Variants in PPP1R16B observed in about 807,000 individuals in gnomAD.
PPP1R16B encodes protein phosphatase 1 regulatory inhibitor subunit 16B.
In PPP1R16B, 14 loss-of-function variants were observed where a neutral mutation model predicts 61.7. The ratio of observed to expected loss-of-function variants is 0.23; its 90% CI spans 0.15 to 0.35. The LOEUF (loss-of-function observed/expected upper bound fraction) is 0.35. PPP1R16B is among the 10% of genes least tolerant of loss of function. PPP1R16B has a pLI of 1.00. For synonymous variants in PPP1R16B, 266 were observed against 305.3 expected (o/e 0.87, Z 1.34); for missense variants, 547 against 752.5 (o/e 0.73, Z 3.19).
chr20:38,891,001 G>A (rs1378673719), intron 3 of PPP1R16B, among the ~76,000 whole-genome samples: 2 of 152,162 alleles, frequency 1.3e-5, no homozygotes, highest in Non-Finnish European at 2.9e-5. Flanking sequence ...ATCTGCCATT[G>A]GAAACTCCCA....
chr20:38,854,197 C>T (rs1027131060), intron 2 of PPP1R16B, among the ~76,000 whole-genome samples: 7 of 152,180 alleles, frequency 4.6e-5, no homozygotes, highest in African/African-American at 1.7e-4. Context: ...CAAACACTGC[C>T]TCTCTCTGGG....
At chr20:38,897,003 G>A (rs541544512) in intron 4 of PPP1R16B, among the ~76,000 whole-genome samples, 60 of 152,256 alleles carry the variant, frequency 3.9e-4, no homozygotes, top group African/African-American at 1.3e-3. Context: ...AAAATTAGCC[G>A]GGCATGGTGG....
chr20:38,880,037 G>C (rs1258475906), intron 2 of PPP1R16B, among the ~76,000 whole-genome samples: 1 of 152,062 alleles, frequency 6.6e-6, no homozygotes, highest in African/African-American at 2.4e-5. Flanking sequence ...GGCTGGTTCT[G>C]AGGCTTGGGT....
intron 2 of PPP1R16B, among the ~76,000 whole-genome samples, chr20:38,865,059 G>C (rs1042632870): frequency 6.6e-6 from 1 of 152,166 alleles, no homozygotes; most frequent in African/African-American, 2.4e-5. Context: ...AGCCAGGCTG[G>C]AATTCAGAAT....
intron 4 of PPP1R16B, among the ~76,000 whole-genome samples, chr20:38,899,190 C>T (rs939336604): frequency 2.0e-5 from 3 of 152,130 alleles, no homozygotes; most frequent in Non-Finnish European, 2.9e-5. Flanking sequence ...CTGGGGTGTA[C>T]GAAAGCTCAG....
chr20:38,890,052 T>G (rs953587322), intron 3 of PPP1R16B, among the ~76,000 whole-genome samples: 1 of 152,220 alleles, frequency 6.6e-6, no homozygotes, highest in African/African-American at 2.4e-5. Flanking sequence ...GTGACCTGCC[T>G]GAGGTCACAT....
At chr20:38,854,227 A>C (rs1438046228) in intron 2 of PPP1R16B, among the ~76,000 whole-genome samples, 1 of 152,204 alleles carries the variant, frequency 6.6e-6, no homozygotes, top group African/African-American at 2.4e-5. Context: ...CTTTGGGTTG[A>C]GAATGCCTAG....
At chr20:38,873,125 GCC>G in intron 2 of PPP1R16B, 1 of 152,380 alleles carries the variant, frequency 6.6e-6, no homozygotes, top group South Asian at 2.1e-4. Flanking sequence ...CGGTGGGGAA[GCC>G]TGGGCTGTGC....
chr20:38,810,588 G>A (rs2084694433), intron 1 of PPP1R16B, among the ~76,000 whole-genome samples: 1 of 152,104 alleles, frequency 6.6e-6, no homozygotes, highest in Non-Finnish European at 1.5e-5. Context: ...TCTCTTCCTG[G>A]GACTCAGTTT....
chr20:38,905,462 A>G (rs750747967), intron 6 of PPP1R16B, among the ~76,000 whole-genome samples: 4 of 152,196 alleles, frequency 2.6e-5, no homozygotes, highest in Non-Finnish European at 4.4e-5. Flanking sequence ...TTCTAGAATA[A>G]TTGATCCAAG....
intron 1 of PPP1R16B, among the ~76,000 whole-genome samples, chr20:38,830,656 T>A (rs2084830997): frequency 6.6e-6 from 1 of 152,186 alleles, no homozygotes; most frequent in South Asian, 2.1e-4. Flanking sequence ...TATAAAGATG[T>A]TAAGGGTCTG....
chr20:38,809,250 G>A (rs192003588), intron 1 of PPP1R16B, among the ~76,000 whole-genome samples: 92 of 152,050 alleles, frequency 6.1e-4, no homozygotes, highest in African/African-American at 2.1e-3. Flanking sequence ...CTCCTGGGGC[G>A]GGGGTGGGGG....
intron 1 of PPP1R16B, among the ~76,000 whole-genome samples, chr20:38,808,618 G>T (rs1025056051): frequency 2.1e-4 from 18 of 84,898 alleles, no homozygotes; most frequent in Admixed American, 3.3e-4. Flanking sequence ...AAAGCTCTGT[G>T]ACCCTGTATA....
chr20:38,844,775 C>A (rs1312938374), intron 2 of PPP1R16B, among the ~76,000 whole-genome samples: 2 of 152,168 alleles, frequency 1.3e-5, no homozygotes, highest in Admixed American at 6.5e-5. Context: ...TTTTACCCAC[C>A]ATTGCTTTTA....
chr20:38,813,870 C>T (rs2084718286), intron 1 of PPP1R16B, among the ~76,000 whole-genome samples: 1 of 151,486 alleles, frequency 6.6e-6, no homozygotes, highest in Non-Finnish European at 1.5e-5. Flanking sequence ...CATCTCGGCT[C>T]ACGGCAACTT....
intron 1 of PPP1R16B, among the ~76,000 whole-genome samples, chr20:38,810,852 G>A (rs185975896): frequency 4.6e-5 from 7 of 152,180 alleles, no homozygotes; most frequent in African/African-American, 1.4e-4. Flanking sequence ...AGGAACTCAC[G>A]TCTTGGGGGG....
chr20:38,876,042 TA>T (rs2085163865), intron 2 of PPP1R16B, among the ~76,000 whole-genome samples: 1 of 150,570 alleles, frequency 6.6e-6, no homozygotes, highest in Non-Finnish European at 1.5e-5. Flanking sequence ...GGTGGGATCT[TA>T]ACTCACTGCA....
intron 3 of PPP1R16B, among the ~76,000 whole-genome samples, chr20:38,889,910 G>C (rs981669494): frequency 6.6e-6 from 1 of 152,242 alleles, no homozygotes; most frequent in Non-Finnish European, 1.5e-5. Context: ...TAAGGACAGG[G>C]AGCCTTTGTT....
chr20:38,806,245 C>T lies in PPP1R16B; in HGVS notation c.-102+453C>T, dbSNP rs2084660137. On this transcript the variant is annotated intron_variant, in intron 1 of 10. Coordinates refer to ENST00000299824, the MANE Select transcript of PPP1R16B (RefSeq NM_015568.4). The surrounding 1 kb of genome is among the most constrained non-coding windows in gnomAD (Gnocchi z 4.5). Reference sequence around the variant, plus strand: ...TCCCGGCCGGGCATGGTGGTGCCGCCCCCTCGCGTGGCGGGGCTTGGTCCT... The same window carrying T: ...TCCCGGCCGGGCATGGTGGTGCCGCTCCCTCGCGTGGCGGGGCTTGGTCCT... Among the ~76,000 whole-genome samples the T allele has an allele frequency of 1.3e-5, 2 of 152,112 alleles. No individual in the cohort carries two copies.
Sources: gnomAD v4.1 joint callset for allele counts (sites outside exome capture counted in the v4.1 genomes callset) on GRCh38, gnomAD v4.1.1 for gene constraint, Gnocchi (gnomAD v3.1) non-coding constraint, MANE v1.5 for transcripts, NCBI Gene and HGNC (gene_info 2026-07-23, HGNC 2026-07-21) for gene names.